The following ARNT variants were observed in gnomAD, a reference collection of about 807,000 sequenced individuals.
ARNT encodes class E basic helix-loop-helix protein 2.
A neutral mutation model predicts 105.0 loss-of-function variants in ARNT; 30 were observed. The observed-to-expected ratio is 0.29, with a 90% CI of 0.21 to 0.39. ARNT has a LOEUF of 0.39. ARNT is among the 10% of genes least tolerant of loss of function. ARNT has a pLI of 1.00. For missense variants in ARNT, 748 were observed against 978.7 expected, an observed-to-expected ratio of 0.76 and a Z score of 3.15; for synonymous variants, 304 against 344.0, an observed-to-expected ratio of 0.88 and a Z score of 1.29.
intron 1 of ARNT, among the ~76,000 whole-genome samples, chr1:150,860,215 A>C (rs1665367623): frequency 1.5e-5 from 1 of 65,520 alleles, no homozygotes; most frequent in African/African-American, 5.4e-5. Flanking sequence ...AAAAAAAAAA[A>C]TTCTTTTTTT....
intron 1 of ARNT, among the ~76,000 whole-genome samples, chr1:150,859,617 A>G (rs931537604): frequency 4.6e-5 from 7 of 151,580 alleles, no homozygotes; most frequent in African/African-American, 7.3e-5. Context: ...TCAGCTTCCC[A>G]GAGCACTGGA....
intron 14 of ARNT, among the ~76,000 whole-genome samples, chr1:150,821,766 A>T (rs977573829): frequency 1.1e-4 from 17 of 151,788 alleles, no homozygotes; most frequent in Non-Finnish European, 2.2e-4. Context: ...CTCATACCTT[A>T]ACCTCCCAAG....
intron 1 of ARNT, among the ~76,000 whole-genome samples, chr1:150,874,860 T>A (rs1391939376): frequency 6.6e-6 from 1 of 152,152 alleles, no homozygotes. Context: ...CACTAACATA[T>A]GCTATTTTCT....
intron 11 of ARNT, chr1:150,829,652 G>A: frequency 1.8e-6 from 1 of 561,648 alleles, no homozygotes; most frequent in Non-Finnish European, 3.2e-6. Flanking sequence ...AAATTAACTG[G>A]AAATAGAAAA....
In ARNT at chr1:150,817,164, G is replaced by A. The variant is rs759191655; in HGVS notation, c.1617C>T (p.Ser539=). 12 of 1,614,054 alleles carry A rather than the reference G, an allele frequency of 7.4e-6. No individual in the cohort carries two copies. The Admixed American group carries it at 1.2e-4, about 16-fold the overall frequency. Residue 539 remains serine (S), a synonymous_variant, in exon 17 of 22, where the codon AGC becomes AGT. Transcript: ENST00000358595. ...QPVTTTGPEH[S]KPLEKSDGLF... ...AACCATCTGACTTCTCAAGGGGCTT[G>A]CTGTGTTCTGGTCCTGTGGTTGTCA...
At chr1:150,852,167 C>T (rs1306350974) in intron 3 of ARNT, among the ~76,000 whole-genome samples, 1 of 152,198 alleles carries the variant, frequency 6.6e-6, no homozygotes, top group Non-Finnish European at 1.5e-5. Context: ...ATGAATTACA[C>T]CTCTCAGTAT....
intron 1 of ARNT, 140 bp downstream of exon 1, chr1:150,876,403 C>A: frequency 7.0e-7 from 1 of 1,429,636 alleles, no homozygotes. Context: ...CAGGTCACCG[C>A]TCCCCCACCG....
intron 4 of ARNT, among the ~76,000 whole-genome samples, chr1:150,842,878 T>C (rs1047362744): frequency 6.6e-6 from 1 of 152,208 alleles, no homozygotes; most frequent in Non-Finnish European, 1.5e-5. Flanking sequence ...ACCATTTTCA[T>C]GCACTGCTCC....
At chr1:150,863,761 G>A (rs868781627) in intron 1 of ARNT, among the ~76,000 whole-genome samples, 1 of 151,414 alleles carries the variant, frequency 6.6e-6, no homozygotes, top group Admixed American at 6.6e-5. Flanking sequence ...AGGTTGCAGT[G>A]AGCCAATCGA....
At chr1:150,858,784 G>A (rs2102299348) in intron 1 of ARNT, among the ~76,000 whole-genome samples, 1 of 150,054 alleles carries the variant, frequency 6.7e-6, no homozygotes, top group Middle Eastern at 3.5e-3. Flanking sequence ...ACCACACCCA[G>A]TTAATTTTTT....
chr1:150,871,677 A>AGG (rs1667459642), intron 1 of ARNT, among the ~76,000 whole-genome samples: 1 of 145,518 alleles, frequency 6.9e-6, no homozygotes, highest in African/African-American at 2.5e-5. Flanking sequence ...TGGGAGGCCA[A>AGG]GGTGGGCGGA....
intron 3 of ARNT, among the ~76,000 whole-genome samples, chr1:150,848,674 ACAC>A (rs892118526): frequency 3.9e-5 from 6 of 151,942 alleles, no homozygotes; most frequent in African/African-American, 1.5e-4. Context: ...GACTACAGGC[ACAC>A]ACCAGCACTT....
chr1:150,852,959 T>C, intron 2 of ARNT, 153 bp from the exon 3 acceptor site: 1 of 957,062 alleles, frequency 1.0e-6, no homozygotes, highest in Non-Finnish European at 1.6e-6. Context: ...CATTTCCTCT[T>C]GTTCATAGTC....
At chr1:150,867,736 T>C (rs1666837021) in intron 1 of ARNT, among the ~76,000 whole-genome samples, 1 of 152,110 alleles carries the variant, frequency 6.6e-6, no homozygotes, top group South Asian at 2.1e-4. Flanking sequence ...TATTGGATCA[T>C]AGGGGTGGTT....
chr1:150,825,022 C>A (rs1018366218), intron 13 of ARNT, among the ~76,000 whole-genome samples: 1 of 151,928 alleles, frequency 6.6e-6, no homozygotes, highest in Non-Finnish European at 1.5e-5. Context: ...CCACCATACC[C>A]GGCTAATTTT....
In ARNT at chr1:150,809,910, AG is replaced by A. The variant is rs1557832270; in HGVS notation, c.*2110del. The stretch of plus-strand genomic sequence containing the variant: ...TGTGTCAGGATCAGGAGGACAAGTG[AG>A]GGGGGAGGCGTGCAATGTGATCAGA... On this transcript the variant is annotated 3_prime_UTR_variant, in exon 22 of 22. Coordinates refer to ENST00000358595, the MANE Select transcript of ARNT (RefSeq NM_001668.4). 1 of 223,822 alleles carries A rather than the reference AG, an allele frequency of 4.5e-6. No homozygotes were observed. The highest frequency in any genetic ancestry group is 8.9e-6 in the Non-Finnish European group (1 of 111,848). 13.9% of individuals were successfully genotyped at this position (223,822 alleles called of 1,614,324 possible). A position where few individuals can be genotyped will look rare whatever the true frequency, so the allele number is the denominator to read the frequency against.
rs10305659 is a variant in ARNT, at chr1:150,867,787, T to C, written c.25+8756A>G. ...CCATTCCCCTAATGCTCTCTCATGA[T>C]AGAGTTCTCAAGAGATCTGGTTGTT... On this transcript the variant is annotated intron_variant, in intron 1 of 21. Coordinates refer to ENST00000358595, the MANE Select transcript of ARNT (RefSeq NM_001668.4). Among the ~76,000 whole-genome samples, 1,347 of 152,134 alleles carry C rather than the reference T, an allele frequency of 8.9e-3. 25 individuals carry two copies. The highest frequency in any genetic ancestry group is 0.031 in the African/African-American group (1,284 of 41,476).
intron 9 of ARNT, 68 bp downstream of exon 9, chr1:150,832,266 A>C: frequency 6.5e-7 from 1 of 1,527,522 alleles, no homozygotes; most frequent in African/African-American, 1.4e-5. Context: ...ACAGTAAGAC[A>C]GGTAAAAATG....
chr1:150,871,580 C>T (rs1010624934), intron 1 of ARNT, among the ~76,000 whole-genome samples: 1 of 149,392 alleles, frequency 6.7e-6, no homozygotes, highest in African/African-American at 2.4e-5. Flanking sequence ...GGATTACAGG[C>T]ATGAGCCACC....
Sources: allele counts gnomAD v4.1 joint callset (sites outside exome capture counted in the v4.1 genomes callset), GRCh38; gene constraint gnomAD v4.1.1; transcripts MANE v1.5; gene names NCBI Gene and HGNC (gene_info 2026-07-23, HGNC 2026-07-21).